Variants in TLN2 observed in about 807,000 individuals in gnomAD.
TLN2 encodes the protein talin 2.
In TLN2, 118 loss-of-function variants were observed where a neutral mutation model predicts 294.7. The observed-to-expected ratio is 0.40, with a 90% CI of 0.34 to 0.47. The LOEUF is 0.47. Ranked by LOEUF, TLN2 falls within the 20% of genes least tolerant of loss-of-function variation. The pLI is 0.84. For synonymous variants in TLN2, 1,431 were observed against 1,304.5 expected (o/e 1.10, Z -2.09); for missense variants, 3,083 against 3,282.2 (o/e 0.94, Z 1.48).
intron 3 of TLN2, among the ~76,000 whole-genome samples, chr15:62,643,491 TA>T (rs1325972638): frequency 7.0e-6 from 1 of 143,314 alleles, no homozygotes; most frequent in Non-Finnish European, 1.5e-5. Flanking sequence ...TTTTGGGTGA[TA>T]AAAAAAAAGT....
intron 44 of TLN2, among the ~76,000 whole-genome samples, chr15:62,782,632 G>T (rs543622539): frequency 6.6e-6 from 1 of 152,198 alleles, no homozygotes; most frequent in Non-Finnish European, 1.5e-5. Flanking sequence ...CAGACTCCCA[G>T]TGCACCTGTT....
chr15:62,781,365 G>A (rs1486186945), intron 44 of TLN2, 124 bp downstream of exon 44: 16 of 675,548 alleles, frequency 2.4e-5, no homozygotes, highest in Non-Finnish European at 3.5e-5. Context: ...GTCCCTCAGG[G>A]GCTCCAGCTT....
At position 62,649,221 on chromosome 15, in the gene TLN2, T is replaced by C. The variant is rs145734755; in HGVS notation, c.137-863T>C. 5.4e-4 allele frequency among the ~76,000 whole-genome samples: 83 copies of C among 152,302 alleles called. No homozygotes were observed. In the East Asian group the frequency reaches 8.5e-3, roughly 16 times the overall value. On this transcript the variant is annotated intron_variant, in intron 4 of 58. Transcript: ENST00000636159. Reference sequence around the variant, plus strand: ...AGGTTTGCTACATCCCTAACTTTACTATTTGGTTGTCCAGTCATTTCTGGT... The same window carrying C: ...AGGTTTGCTACATCCCTAACTTTACCATTTGGTTGTCCAGTCATTTCTGGT...
chr15:62,468,065 C>T (rs777908299), intron 1 of TLN2, among the ~76,000 whole-genome samples: 1 of 152,028 alleles, frequency 6.6e-6, no homozygotes, highest in Non-Finnish European at 1.5e-5. Context: ...GTTTTCCTTC[C>T]ATCCTTTTGG....
At chr15:62,783,665 G>A in intron 44 of TLN2, 106 bp from the exon 45 acceptor site, 1 of 1,459,542 alleles carries the variant, frequency 6.9e-7, no homozygotes, top group Non-Finnish European at 9.1e-7. Flanking sequence ...GCTTAAAAGT[G>A]AATGAAACCC....
chr15:62,739,564 G>A lies in TLN2; in HGVS notation c.3885+19G>A. ...AGCTCAGGTGGGTGTGGAGGTGGTT[G>A]TCTGGAGTTGACCTTAGCCTCTCCT... On this transcript the variant is annotated intron_variant, in intron 31 of 58. Coordinates refer to ENST00000636159, the MANE Select transcript of TLN2 (RefSeq NM_015059.3). The A allele has an allele frequency of 6.2e-7, 1 of 1,613,636 alleles. No homozygotes were observed. The highest frequency in any genetic ancestry group is 8.5e-7 in the Non-Finnish European group (1 of 1,179,758).
intron 1 of TLN2, among the ~76,000 whole-genome samples, chr15:62,527,927 G>A (rs2040826885): frequency 6.6e-6 from 1 of 152,074 alleles, no homozygotes; most frequent in South Asian, 2.1e-4. Flanking sequence ...ATATTTAAAA[G>A]TTTATGACTT....
At chr15:62,772,095 C>A (rs181590194) in intron 42 of TLN2, among the ~76,000 whole-genome samples, 1 of 152,116 alleles carries the variant, frequency 6.6e-6, no homozygotes, top group African/African-American at 2.4e-5. Flanking sequence ...ATCTGGCTAG[C>A]CTGCTTGCTC....
intron 14 of TLN2, 86 bp downstream of exon 14, chr15:62,694,478 A>G: frequency 9.1e-7 from 1 of 1,101,084 alleles, no homozygotes. Context: ...GCTGCTCTGA[A>G]GCCTGTCACC....
At chr15:62,528,970 G>A (rs1158410697) in intron 1 of TLN2, among the ~76,000 whole-genome samples, 1 of 152,060 alleles carries the variant, frequency 6.6e-6, no homozygotes, top group East Asian at 1.9e-4. Flanking sequence ...ACATTGCACT[G>A]GTTATTTCAA....
chr15:62,423,065 G>A (rs539139355), intron 1 of TLN2, among the ~76,000 whole-genome samples: 2 of 152,316 alleles, frequency 1.3e-5, no homozygotes, highest in African/African-American at 4.8e-5. Flanking sequence ...ATGCTGCCCA[G>A]GATCACATTA....
At chr15:62,551,184 T>A (rs993938200) in intron 1 of TLN2, among the ~76,000 whole-genome samples, 24 of 152,272 alleles carry the variant, frequency 1.6e-4, no homozygotes, top group African/African-American at 5.3e-4. Flanking sequence ...GGTGGTAATG[T>A]GAGTGATGGG....
chr15:62,755,428 G>A, intron 36 of TLN2, 104 bp from the exon 37 acceptor site: 1 of 1,383,666 alleles, frequency 7.2e-7, no homozygotes, highest in Non-Finnish European at 9.7e-7. Context: ...TAATTACACA[G>A]GCTCTGAACA....
rs1701737 is a variant in TLN2 at position 62,471,161 on chromosome 15, A to G, written c.-238+80476A>G. 9.8e-3 allele frequency among the ~76,000 whole-genome samples: 1,495 copies of G among 152,258 alleles called. 21 individuals are homozygous for G. Among genetic ancestry groups the G allele is most frequent in the African/African-American group, 0.034 (1,426 of 41,544 alleles). On this transcript the variant is annotated intron_variant, in intron 1 of 58. Coordinates refer to ENST00000636159, the MANE Select transcript of TLN2 (RefSeq NM_015059.3). Reference sequence around the variant, plus strand: ...GAAGTTCCAGAAGAGCCTGAGCAACATGGTGAAACTCTGCCTCTACAAAAA... The same window carrying G: ...GAAGTTCCAGAAGAGCCTGAGCAACGTGGTGAAACTCTGCCTCTACAAAAA...
chr15:62,542,086 T>A (rs2041725216), intron 1 of TLN2, among the ~76,000 whole-genome samples: 1 of 152,186 alleles, frequency 6.6e-6, no homozygotes, highest in South Asian at 2.1e-4. Context: ...CTCACTGATC[T>A]GTAAGATAAT....
intron 48 of TLN2, among the ~76,000 whole-genome samples, chr15:62,798,957 CAGG>C (rs1301249135): frequency 1.3e-5 from 2 of 152,322 alleles, no homozygotes; most frequent in African/African-American, 4.8e-5. Context: ...GAGGCTGAAG[CAGG>C]AGAATCACTT....
At chr15:62,391,731 C>T (rs1009056281) in intron 1 of TLN2, among the ~76,000 whole-genome samples, 4 of 152,244 alleles carry the variant, frequency 2.6e-5, no homozygotes, top group African/African-American at 9.6e-5. Context: ...GTCGCCACGC[C>T]AGCCGGCGGG....
At chr15:62,469,792 G>T (rs781359919) in intron 1 of TLN2, among the ~76,000 whole-genome samples, 6 of 152,092 alleles carry the variant, frequency 3.9e-5, no homozygotes, top group African/African-American at 1.4e-4. Flanking sequence ...CTAAAGTCTG[G>T]TAGTTTAAAA....
rs757625065 is a variant in TLN2 at position 62,716,347 on chromosome 15, C to T, written c.2651C>T (p.Pro884Leu). 2 of 1,605,912 alleles carry T rather than the reference C, an allele frequency of 1.2e-6. No individual in the cohort carries two copies. The highest frequency in any genetic ancestry group is 1.7e-6 in the Non-Finnish European group (2 of 1,176,838). Residue 884 changes from proline (P) to leucine (L), a missense_variant, in exon 23 of 59, where the codon CCA becomes CTA. Pro to Leu is a moderately conservative substitution (Grantham distance 98, BLOSUM62 -3). Transcript: ENST00000636159. ...CCTTTGCAGGGGGCTGCAGCCAACC[C>T]AGAGAATGAGGACCAGCAGCAAAGG... ...VEAAKGAAAN[P>L]ENEDQQQRLR...
Sources: gnomAD v4.1 joint callset for allele counts (sites outside exome capture counted in the v4.1 genomes callset) on GRCh38, gnomAD v4.1.1 for gene constraint, MANE v1.5 for transcripts, NCBI Gene and HGNC (gene_info 2026-07-23, HGNC 2026-07-21) for gene names.